RPL30: variants seen among roughly 807,000 people sequenced by gnomAD.
RPL30 encodes large ribosomal subunit protein eL30.
For missense variants in RPL30, 60 were observed against 138.0 expected, an observed-to-expected ratio of 0.43 and a Z score of 2.83; for synonymous variants, 40 against 50.4, an observed-to-expected ratio of 0.79 and a Z score of 0.87.
At chr8:98,042,331 T>C in intron 4 of RPL30, 1 of 437,668 alleles carries the variant, frequency 2.3e-6, no homozygotes, top group Non-Finnish European at 4.3e-6. Flanking sequence ...AAGAATTACT[T>C]TCTTCTGTTT....
chr8:98,044,993 T>C lies in RPL30; in HGVS notation c.117A>G (p.Arg39=). The C allele has an allele frequency of 6.2e-7, 1 of 1,614,208 alleles. No homozygotes were observed. The highest frequency in any genetic ancestry group is 1.7e-5 in the Admixed American group (1 of 60,030). The part of the protein sequence containing the change: ...LGYKQTLKMI[R]QGKAKLVILA... ...GAATGACCAATTTCGCTTTGCCTTG[T>C]CTGATCATCTTCAGAGTCTGCTTGT... Residue 39 remains arginine (R), a synonymous_variant, in exon 3 of 5, where the codon AGA becomes AGG. Transcript: ENST00000287038.
chr8:98,042,989 A>C (rs2130480923), intron 3 of RPL30: 1 of 461,708 alleles, frequency 2.2e-6, no homozygotes, highest in African/African-American at 2.0e-5. Context: ...CAAATATCTA[A>C]TCAACCCCTA....
chr8:98,044,468 T>G, intron 3 of RPL30: 1 of 155,812 alleles, frequency 6.4e-6, no homozygotes, highest in Non-Finnish European at 1.4e-5. Context: ...AAACAGTGAG[T>G]CAAGCATAAA....
At position 98,041,736 on chromosome 8, in the gene RPL30, A is replaced by G; in HGVS notation, c.*65T>C. 1.8e-6 allele frequency: 2 copies of G among 1,088,926 alleles called. No homozygotes were observed. The highest frequency in any genetic ancestry group is 1.4e-5 in the South Asian group (1 of 73,400). The allele number at this position is 1,088,926 out of a possible 1,614,324, so 67.5% of individuals were successfully genotyped here. On this transcript the variant is annotated 3_prime_UTR_variant, in exon 5 of 5. Transcript: ENST00000287038. ...AGATACAATGTTTTTAAAACAAGCAAATTTTATTAAAGGAAAATTTTGCAG... is the reference window on the plus strand; with the variant it reads ...AGATACAATGTTTTTAAAACAAGCAGATTTTATTAAAGGAAAATTTTGCAG...
intron 3 of RPL30, chr8:98,043,078 G>GT (rs1448590435): frequency 5.0e-6 from 1 of 200,550 alleles, no homozygotes; most frequent in African/African-American, 2.3e-5. Flanking sequence ...TCTAGCATTA[G>GT]TAAGGACCAC....
chr8:98,042,954 C>T (rs543603471), intron 3 of RPL30, 179 bp from the exon 4 acceptor site: 8 of 530,966 alleles, frequency 1.5e-5, no homozygotes, highest in African/African-American at 1.2e-4. Flanking sequence ...TTGTATGTAT[C>T]CCTTGCAAGT....
chr8:98,045,321 T>C, intron 2 of RPL30, 26 bp downstream of exon 2: 3 of 1,614,154 alleles, frequency 1.9e-6, no homozygotes, highest in African/African-American at 1.3e-5. Context: ...GTGAATCGTC[T>C]TCCGGGCCTG....
In RPL30 at chr8:98,041,839, T is replaced by C; in HGVS notation, c.310A>G (p.Ile104Val). 1 of 1,597,612 alleles carries C rather than the reference T, an allele frequency of 6.3e-7. No individual in the cohort carries two copies. The change falls in exon 5 of 5, where the codon ATC (isoleucine) becomes GTC (valine). Residue 104 changes from isoleucine to valine, a missense_variant. Ile to Val is a conservative substitution (Grantham distance 29, BLOSUM62 3). Transcript: ENST00000287038. The stretch of plus-strand genomic sequence containing the variant: ...GTCTGTTCTGGCATGCTTCTAATGA[T>C]GTCAGAGTCACCTAAAAAATAAAAA... Reference protein sequence around the residue: ...LAIIDPGDSDIIRSMPEQTGE... With the variant: ...LAIIDPGDSDVIRSMPEQTGE...
intron 3 of RPL30, chr8:98,044,722 C>T (rs1355220305): frequency 9.3e-6 from 5 of 535,018 alleles, no homozygotes; most frequent in East Asian, 3.1e-5. Flanking sequence ...ACTCCTGCCA[C>T]ACACACACAT....
intron 3 of RPL30, chr8:98,043,958 CAAAAAT>C (rs1814428968): frequency 6.6e-6 from 1 of 152,202 alleles, no homozygotes; most frequent in Non-Finnish European, 1.5e-5. Flanking sequence ...ACTAAAAATA[CAAAAAT>C]TAGCCAGGCA....
chr8:98,044,694 C>T (rs1814444072), intron 3 of RPL30: 2 of 462,474 alleles, frequency 4.3e-6, no homozygotes, highest in Admixed American at 4.0e-5. Context: ...TTCCATTAAA[C>T]CTCGATGTTC....
In RPL30 at chr8:98,045,199, A is replaced by G. The variant is rs1041470349; in HGVS notation, c.22-111T>C. On this transcript the variant is annotated intron_variant, in intron 2 of 4. Coordinates refer to ENST00000287038, the MANE Select transcript of RPL30 (RefSeq NM_000989.4). ...TTAAACTTCCGAAGTCGAGGACCCC[A>G]AGTCATTGAGAGGGCCACTGGGATT... 9.7e-6 allele frequency: 15 copies of G among 1,546,558 alleles called. No homozygotes were observed. In the African/African-American group the frequency reaches 1.8e-4, roughly 18 times the overall value.
At chr8:98,042,147 A>G (rs769158600) in intron 4 of RPL30, 2 of 606,928 alleles carry the variant, frequency 3.3e-6, no homozygotes, top group African/African-American at 3.6e-5. Flanking sequence ...GGACACATGC[A>G]TGGTCTTAAT....
At chr8:98,045,445 A>T in intron 1 of RPL30, 46 bp from the exon 2 acceptor site, 1 of 1,573,868 alleles carries the variant, frequency 6.4e-7, no homozygotes, top group South Asian at 1.1e-5. Flanking sequence ...ATCCGGAGTT[A>T]CAAATGGCAA....
At chr8:98,042,444 T>G in intron 4 of RPL30, 1 of 534,862 alleles carries the variant, frequency 1.9e-6, no homozygotes, top group Non-Finnish European at 3.3e-6. Context: ...AGTAAAAATT[T>G]TAACTTATAA....
chr8:98,044,159 A>G (rs981403971), intron 3 of RPL30: 38 of 152,308 alleles, frequency 2.5e-4, no homozygotes, highest in African/African-American at 8.0e-4. Context: ...CCCAGATCCA[A>G]TGAAATCAGA....
At chr8:98,045,471 G>A (rs1189429857) in intron 1 of RPL30, 37 bp downstream of exon 1, 9 of 1,430,890 alleles carry the variant, frequency 6.3e-6, no homozygotes, top group Middle Eastern at 1.7e-4. Context: ...AAAGCTCCCC[G>A]CGCTGCCTAA....
intron 3 of RPL30, 83 bp from the exon 4 acceptor site, chr8:98,042,858 T>C: frequency 7.5e-7 from 1 of 1,332,046 alleles, no homozygotes; most frequent in East Asian, 2.5e-5. Flanking sequence ...TTTACTAGTG[T>C]TAATGTTGTT....
At position 98,042,224 on chromosome 8, in the gene RPL30, A is replaced by G. The variant is rs192784960; in HGVS notation, c.299-374T>C. 2,259 of 536,000 alleles carry G rather than the reference A, an allele frequency of 4.2e-3. 4 individuals carry two copies. The highest frequency in any genetic ancestry group is 6.4e-3 in the Non-Finnish European group (1,762 of 277,444). The allele number at this position is 536,000 out of a possible 1,614,324, so 33.2% of individuals were successfully genotyped here. On this transcript the variant is annotated intron_variant, in intron 4 of 4. Coordinates refer to ENST00000287038, the MANE Select transcript of RPL30 (RefSeq NM_000989.4). ...ACAGCGAGAATATTCGCAGTATTCTATGAATCAAAGATTCACAATTGGAAA... is the reference window on the plus strand; with the variant it reads ...ACAGCGAGAATATTCGCAGTATTCTGTGAATCAAAGATTCACAATTGGAAA...
Sources: allele counts gnomAD v4.1 joint callset, GRCh38; gene constraint gnomAD v4.1.1; transcripts MANE v1.5; gene names NCBI Gene and HGNC (gene_info 2026-07-23, HGNC 2026-07-21).